CPAMD8: variants seen among roughly 807,000 people sequenced by gnomAD.
CPAMD8 encodes the protein C3 and PZP like alpha-2-macroglobulin domain containing 8.
CPAMD8 carries 146 observed loss-of-function variants against 224.7 expected under a neutral mutation model. The observed-to-expected ratio is 0.65, with a 90% CI of 0.57 to 0.75. The LOEUF (loss-of-function observed/expected upper bound fraction) is 0.75. Among genes scored for constraint, CPAMD8 ranks in the 30% least tolerant of loss-of-function variants. The pLI is 0.00. For missense variants in CPAMD8, 2,301 were observed against 2,537.5 expected, an observed-to-expected ratio of 0.91 and a Z score of 2.00; for synonymous variants, 966 against 1,044.6, an observed-to-expected ratio of 0.92 and a Z score of 1.45.
chr19:16,927,968 GC>G, intron 25 of CPAMD8, 40 bp downstream of exon 25: 2 of 1,449,216 alleles, frequency 1.4e-6, no homozygotes, highest in African/African-American at 1.4e-5. Flanking sequence ...TTCGGCTCTT[GC>G]CCCCTGACCT....
chr19:16,897,702 G>T lies in CPAMD8; in HGVS notation c.5054C>A (p.Ala1685Asp). The part of the protein sequence containing the change: ...PACNEVERAP[A>D]RGPGWFPGES... Reference sequence around the variant, plus strand: ...CTCCGCGCACTCACCCGGGCCCCGGGCAGGGGCGCGCTCCACTTCGTTGCA... The same window carrying T: ...CTCCGCGCACTCACCCGGGCCCCGGTCAGGGGCGCGCTCCACTTCGTTGCA... Residue 1685 changes from alanine to aspartate, a missense_variant, in exon 39 of 42, where the codon GCC (alanine) becomes GAC (aspartate). Around this residue, in one of 4 missense-constraint regions of CPAMD8, gnomAD observed 1,709 missense variants for 1,753.2 expected, o/e 0.97. Coordinates refer to ENST00000443236, the MANE Select transcript of CPAMD8 (RefSeq NM_015692.5). The T allele has an allele frequency of 2.0e-6, 3 of 1,536,644 alleles. No homozygotes were observed. Among genetic ancestry groups the T allele is most frequent in the Non-Finnish European group, 2.6e-6 (3 of 1,138,914 alleles).
chr19:16,899,547 C>G lies in CPAMD8; in HGVS notation c.4776G>C (p.Leu1592=). 6.6e-7 allele frequency: 1 copy of G among 1,518,570 alleles called. No individual in the cohort carries two copies. Among genetic ancestry groups the G allele is most frequent in the Non-Finnish European group, 9.1e-7 (1 of 1,093,138 alleles). The allele number at this position is 1,518,570 out of a possible 1,614,324, so 94.1% of individuals were successfully genotyped here. The change falls in exon 37 of 42, where the codon CTG becomes CTC. Residue 1592 remains leucine (L), a splice_region_variant and synonymous_variant. Transcript: ENST00000443236. This position sits in a 1 kb window ranked among gnomAD's most constrained non-coding sequence, Gnocchi z 5.4. The part of the protein sequence containing the change: ...FRADIESLEQ[L]LLDKHMGMKR... ...TCATCCCCATGTGCTTGTCAAGGAG[C>G]AGCTGCAGAGGAAGCCAGAAGTCAG... is the stretch of plus-strand genomic sequence containing the variant.
intron 36 of CPAMD8, 134 bp downstream of exon 36, chr19:16,901,070 GGGGAGA>G (rs1232753089): frequency 3.5e-5 from 21 of 595,746 alleles, no homozygotes; most frequent in Non-Finnish European, 4.8e-5. Context: ...GAAGGGGGAG[GGGGAGA>G]GGGAGAGGGA....
chr19:17,003,778 CAAA>C (rs1318753832), intron 8 of CPAMD8, among the ~76,000 whole-genome samples: 6 of 111,998 alleles, frequency 5.4e-5, no homozygotes, highest in Non-Finnish European at 5.7e-5. Flanking sequence ...AACCCTGCCT[CAAA>C]AAAAAAAAAA....
Position 16,893,177 on chromosome 19 carries a change from G to C in CPAMD8, c.5589C>G (p.Val1863=). 6.3e-7 allele frequency: 1 copy of C among 1,597,262 alleles called. No homozygotes were observed. Residue 1863 remains valine (V), a synonymous_variant, in exon 42 of 42, where the codon GTC becomes GTG. Coordinates refer to ENST00000443236, the MANE Select transcript of CPAMD8 (RefSeq NM_015692.5). ...CACCACTCTGAAAGGCTGGGCTGTA[G>C]ACGAAGACAGGGCTCAGAAGCCCTG... ...HRPGLLSPVF[V]YSPAFQSGGE... is the part of the protein sequence containing the mutation.
Position 16,904,471 on chromosome 19 carries a change from T to A in CPAMD8, c.4109A>T (p.Gln1370Leu). 3 of 1,613,778 alleles carry A rather than the reference T, an allele frequency of 1.9e-6. No homozygotes were observed. Among genetic ancestry groups the A allele is most frequent in the Non-Finnish European group, 2.5e-6 (3 of 1,179,658 alleles). The change falls in exon 31 of 42, where the codon CAG (glutamine) becomes CTG (leucine). Residue 1370 changes from glutamine (Q) to leucine (L), a missense_variant. By Grantham distance (113) the Gln-to-Leu change is moderately radical. Coordinates refer to ENST00000443236, the MANE Select transcript of CPAMD8 (RefSeq NM_015692.5). ...GGAGCTGGGGTGGCCAGTACCTGACTGAGAGACCCTGTCACTGAAGCTCAA... is the reference window on the plus strand; with the variant it reads ...GGAGCTGGGGTGGCCAGTACCTGACAGAGAGACCCTGTCACTGAAGCTCAA... The part of the protein sequence containing the change: ...TFLSFSDRVS[Q>L]SVVSAEVEMT...
intron 29 of CPAMD8, among the ~76,000 whole-genome samples, chr19:16,913,174 T>G (rs2052793379): frequency 6.6e-6 from 1 of 151,938 alleles, no homozygotes; most frequent in African/African-American, 2.4e-5. Context: ...AAAAATGCAT[T>G]TGGGAGGTGA....
At chr19:16,977,948 C>G (rs2055341617) in intron 14 of CPAMD8, among the ~76,000 whole-genome samples, 1 of 152,158 alleles carries the variant, frequency 6.6e-6, no homozygotes, top group Admixed American at 6.5e-5. Flanking sequence ...TTGCTGGGGC[C>G]TGGGGCCAGC....
intron 22 of CPAMD8, among the ~76,000 whole-genome samples, chr19:16,944,353 G>A (rs1410392988): frequency 2.0e-5 from 3 of 152,196 alleles, no homozygotes; most frequent in Non-Finnish European, 4.4e-5. Context: ...CCAGGAAGCC[G>A]GACAAGTGGA....
intron 8 of CPAMD8, among the ~76,000 whole-genome samples, chr19:17,002,796 G>C (rs2056370236): frequency 1.3e-5 from 2 of 152,186 alleles, no homozygotes; most frequent in African/African-American, 4.8e-5. Flanking sequence ...CTTGTCACCA[G>C]GGGCGGAGGT....
chr19:17,009,109 GA>G (rs1178210258), intron 6 of CPAMD8, 193 bp downstream of exon 6: 72 of 772,364 alleles, frequency 9.3e-5, no homozygotes, highest in Admixed American at 1.3e-4. Flanking sequence ...AAAAAAAAAG[GA>G]AACGGACAGA....
rs769719516 is a variant in CPAMD8 at position 16,997,211 on chromosome 19, G to A, written c.995C>T (p.Ala332Val). The change falls in exon 11 of 42, where the codon GCG (alanine) becomes GTG (valine). Residue 332 changes from alanine (A) to valine (V), a missense_variant. Transcript: ENST00000443236. The stretch of plus-strand genomic sequence containing the variant: ...CTGCACGGGGGTGGAGTCATCGAAC[G>A]CGACCTGCTGGCTCCCGTCCACACT... Reference protein sequence around the residue: ...VTSVDGSQQVAFDDSTPVQRQ... With the variant: ...VTSVDGSQQVVFDDSTPVQRQ... The A allele has an allele frequency of 2.4e-5, 38 of 1,572,028 alleles. No individual in the cohort carries two copies. The highest frequency in any genetic ancestry group is 3.0e-5 in the Non-Finnish European group (34 of 1,141,954).
chr19:16,954,332 CAAAAAA>C (rs371839176), intron 19 of CPAMD8, among the ~76,000 whole-genome samples: 4 of 92,988 alleles, frequency 4.3e-5, no homozygotes, highest in African/African-American at 1.6e-4. Context: ...GACTCTATCT[CAAAAAA>C]AAAAAAAAAG....
chr19:17,018,717 T>TACACACACACACACACACACAC (rs367984655), intron 3 of CPAMD8, among the ~76,000 whole-genome samples: 1 of 136,732 alleles, frequency 7.3e-6, no homozygotes, highest in African/African-American at 2.8e-5. Flanking sequence ...CTACTAAAAA[T>TACACACACACACACACACACAC]ACACACACAC....
chr19:17,009,525 A>G (rs1199769746), intron 5 of CPAMD8: 5 of 786,690 alleles, frequency 6.4e-6, no homozygotes, highest in Non-Finnish European at 9.3e-6. Context: ...CTGTAATCCC[A>G]GCACTTTGGG....
intron 27 of CPAMD8, 96 bp from the exon 28 acceptor site, chr19:16,914,909 G>A (rs999702315): frequency 2.3e-6 from 2 of 855,950 alleles, no homozygotes; most frequent in East Asian, 5.3e-5. Context: ...ACCACCCCCG[G>A]CCTCCATTTC....
chr19:16,931,083 T>G (rs1286925195), intron 23 of CPAMD8, among the ~76,000 whole-genome samples: 1 of 152,148 alleles, frequency 6.6e-6, no homozygotes, highest in Non-Finnish European at 1.5e-5. Context: ...GCAAAGCTCA[T>G]GCTCCCCAGC....
At chr19:16,999,029 G>A (rs544724067) in intron 10 of CPAMD8, among the ~76,000 whole-genome samples, 32 of 152,324 alleles carry the variant, frequency 2.1e-4, no homozygotes, top group African/African-American at 4.3e-4. Context: ...ATCATGCTAC[G>A]ATGTAGACAA....
intron 26 of CPAMD8, among the ~76,000 whole-genome samples, chr19:16,923,301 C>G (rs2053243130): frequency 6.6e-6 from 1 of 152,168 alleles, no homozygotes; most frequent in South Asian, 2.1e-4. Context: ...GACGGGGAAC[C>G]CTCCCAGTGT....
Sources: gnomAD v4.1 joint callset for allele counts (sites outside exome capture counted in the v4.1 genomes callset) on GRCh38, gnomAD v4.1.1 for gene constraint, gnomAD v4.1.1 regional missense constraint, Gnocchi (gnomAD v3.1) non-coding constraint, MANE v1.5 for transcripts, NCBI Gene and HGNC (gene_info 2026-07-23, HGNC 2026-07-21) for gene names.